Variants in CTNND2 observed in about 807,000 individuals in gnomAD.
CTNND2 encodes catenin delta 2.
CTNND2 carries 22 observed loss-of-function variants against 144.4 expected under a neutral mutation model. The observed-to-expected ratio is 0.15, with a 90% CI of 0.11 to 0.22. The LOEUF (loss-of-function observed/expected upper bound fraction) is 0.22, where lower values mean the gene tolerates loss of function less well. Among genes scored for constraint, CTNND2 ranks in the 10% least tolerant of loss-of-function variants. The pLI, the probability that CTNND2 is intolerant of heterozygous loss-of-function variation, is 1.00. For synonymous variants in CTNND2, 751 were observed against 695.6 expected, an observed-to-expected ratio of 1.08 and a Z score of -1.25; for missense variants, 1,353 against 1,618.8, an observed-to-expected ratio of 0.84 and a Z score of 2.82.
At chr5:10,990,896 T>C (rs758358010) in intron 19 of CTNND2, among the ~76,000 whole-genome samples, 3 of 152,230 alleles carry the variant, frequency 2.0e-5, no homozygotes, top group Non-Finnish European at 2.9e-5. Flanking sequence ...TGCCGATCCA[T>C]CATGTCGTTT....
Position 11,324,501 on chromosome 5 carries a change from C to T in CTNND2, c.1628+21871G>A, listed in dbSNP as rs1320455969. On this transcript the variant is annotated intron_variant, in intron 9 of 21. Coordinates refer to ENST00000304623, the MANE Select transcript of CTNND2 (RefSeq NM_001332.4). ...AAGAAACTTTCCCTATCAATTCCAA[C>T]GACCATCTAAAGAAAGTATGCCTTC... 7.2e-5 allele frequency among the ~76,000 whole-genome samples: 11 copies of T among 152,318 alleles called. No homozygotes were observed. The East Asian group carries it at 9.6e-4, about 13-fold the overall frequency.
At chr5:11,700,300 G>A (rs1785367430) in intron 2 of CTNND2, among the ~76,000 whole-genome samples, 2 of 152,122 alleles carry the variant, frequency 1.3e-5, no homozygotes, top group Admixed American at 6.6e-5. Context: ...TGAGGCAGGA[G>A]AATTGCATGA....
chr5:11,175,965 C>T (rs192464015), intron 11 of CTNND2, among the ~76,000 whole-genome samples: 1 of 152,152 alleles, frequency 6.6e-6, no homozygotes, highest in African/African-American at 2.4e-5. Flanking sequence ...TTTTAATTAA[C>T]CTTCTTCTTA....
chr5:11,690,896 G>T (rs1021662629), intron 2 of CTNND2, among the ~76,000 whole-genome samples: 1 of 151,608 alleles, frequency 6.6e-6, no homozygotes, highest in Non-Finnish European at 1.5e-5. Context: ...ACTCCATGTA[G>T]AAGGATCACA....
chr5:11,810,294 G>A (rs10036008), intron 1 of CTNND2, among the ~76,000 whole-genome samples: 12,320 of 152,146 alleles, frequency 0.081, 1,440 homozygotes, highest in African/African-American at 0.26. Context: ...AATTAACAAT[G>A]CCTGTGACAC....
chr5:11,495,758 T>G (rs1023883652), intron 3 of CTNND2, among the ~76,000 whole-genome samples: 61 of 152,324 alleles, frequency 4.0e-4, no homozygotes, highest in African/African-American at 1.4e-3. Flanking sequence ...AGTTCAGCTC[T>G]TAAGTGACTT....
chr5:11,164,283 T>A (rs1355462465), intron 11 of CTNND2, among the ~76,000 whole-genome samples: 2 of 152,226 alleles, frequency 1.3e-5, no homozygotes, highest in Non-Finnish European at 2.9e-5. Context: ...TTACAGGCTC[T>A]GGAAATTAGG....
intron 16 of CTNND2, chr5:11,027,218 C>T (rs1183212541): frequency 3.3e-5 from 5 of 152,192 alleles, no homozygotes; most frequent in African/African-American, 1.2e-4. Context: ...TTCGGCAGCA[C>T]ATATACTAAA....
intron 6 of CTNND2, chr5:11,385,775 T>C (rs1487716937): frequency 6.6e-6 from 1 of 152,172 alleles, no homozygotes; most frequent in African/African-American, 2.4e-5. Context: ...TCTGTTGCTA[T>C]TGTCGCGTGG....
At chr5:11,806,315 T>C (rs1243029750) in intron 1 of CTNND2, among the ~76,000 whole-genome samples, 1 of 152,140 alleles carries the variant, frequency 6.6e-6, no homozygotes, top group Non-Finnish European at 1.5e-5. Flanking sequence ...GATCTAAAAC[T>C]GCACAAAAAA....
At chr5:11,122,079 C>T (rs1256114337) in intron 12 of CTNND2, among the ~76,000 whole-genome samples, 1 of 152,100 alleles carries the variant, frequency 6.6e-6, no homozygotes, top group East Asian at 1.9e-4. Context: ...GCCCTTCCAT[C>T]GGATTGGAAT....
At chr5:11,522,966 A>G (rs976245730) in intron 3 of CTNND2, among the ~76,000 whole-genome samples, 4 of 152,228 alleles carry the variant, frequency 2.6e-5, no homozygotes, top group Non-Finnish European at 5.9e-5. Flanking sequence ...CACTTTCAGC[A>G]TATATTCTCC....
Position 11,693,878 on chromosome 5 carries a change from G to A in CTNND2, c.174+38258C>T, listed in dbSNP as rs111767910. On this transcript the variant is annotated intron_variant, in intron 2 of 21. Transcript: ENST00000304623. Reference sequence around the variant, plus strand: ...AGGGTTAAGTTCCTGCAAGCCTTTGGTCACAATGTTTTCATCAACTAATTA... The same window carrying A: ...AGGGTTAAGTTCCTGCAAGCCTTTGATCACAATGTTTTCATCAACTAATTA... Among the ~76,000 whole-genome samples the A allele has an allele frequency of 5.8e-3, 886 of 152,288 alleles. 8 individuals carry two copies. The highest frequency in any genetic ancestry group is 0.02 in the African/African-American group (838 of 41,556).
In CTNND2 at chr5:11,235,576, C is replaced by A. The variant is rs72730949; in HGVS notation, c.1761+1115G>T. Among the ~76,000 whole-genome samples, 383 of 152,284 alleles carry A rather than the reference C, an allele frequency of 2.5e-3. 2 individuals carry two copies. The highest frequency in any genetic ancestry group is 4.3e-3 in the Non-Finnish European group (291 of 68,020). On this transcript the variant is annotated intron_variant, in intron 10 of 21. Coordinates refer to ENST00000304623, the MANE Select transcript of CTNND2 (RefSeq NM_001332.4). ...TCTTGAGGGGGCTGCCCTGCACTTT[C>A]TGGGATGTTTGGCAGTATCCCTGAT... is the stretch of plus-strand genomic sequence containing the variant.
chr5:11,645,477 C>G (rs1251961428), intron 2 of CTNND2, among the ~76,000 whole-genome samples: 1 of 152,168 alleles, frequency 6.6e-6, no homozygotes, highest in African/African-American at 2.4e-5. Context: ...CCACTTCTTC[C>G]TATAGTTATG....
At chr5:11,861,122 C>A (rs1406646826) in intron 1 of CTNND2, among the ~76,000 whole-genome samples, 1 of 152,120 alleles carries the variant, frequency 6.6e-6, no homozygotes, top group African/African-American at 2.4e-5. Context: ...CCATTTTTTA[C>A]GTCTGTACTG....
intron 1 of CTNND2, among the ~76,000 whole-genome samples, chr5:11,741,286 C>G (rs1787989628): frequency 1.3e-5 from 2 of 152,078 alleles, no homozygotes; most frequent in Admixed American, 1.3e-4. Context: ...TACTGTAGCA[C>G]TATGCACAAT....
intron 9 of CTNND2, among the ~76,000 whole-genome samples, chr5:11,240,482 CAA>C (rs1742208813): frequency 7.6e-6 from 1 of 130,816 alleles, no homozygotes; most frequent in African/African-American, 2.9e-5. Context: ...CACATACACT[CAA>C]ACACACACCC....
At chr5:11,127,003 G>A (rs1354172936) in intron 12 of CTNND2, among the ~76,000 whole-genome samples, 2 of 152,262 alleles carry the variant, frequency 1.3e-5, no homozygotes, top group East Asian at 3.8e-4. Context: ...AGTTCCAGGT[G>A]AACAGCCTGT....
Sources: gnomAD v4.1 joint callset for allele counts (sites outside exome capture counted in the v4.1 genomes callset) on GRCh38, gnomAD v4.1.1 for gene constraint, MANE v1.5 for transcripts, NCBI Gene and HGNC (gene_info 2026-07-23, HGNC 2026-07-21) for gene names.